The following AATK variants were observed in gnomAD, a reference collection of about 807,000 sequenced individuals.
AATK encodes the protein lemur tail kinase 1.
A neutral mutation model predicts 114.3 loss-of-function variants in AATK; 91 were observed. The observed-to-expected ratio is 0.80, with a 90% confidence interval of 0.67 to 0.95. AATK has a LOEUF of 0.95. AATK is among the 40% of genes least tolerant of loss of function. The pLI, the probability that AATK is intolerant of heterozygous loss-of-function variation, is 0.00. For missense variants in AATK, 2,176 were observed against 1,965.2 expected, an observed-to-expected ratio of 1.11 and a Z score of -2.03; for synonymous variants, 1,075 against 916.5, an observed-to-expected ratio of 1.17 and a Z score of -3.12.
chr17:81,148,699 GGCACACACTT>G (rs1027517675), intron 1 of AATK, among the ~76,000 whole-genome samples: 9 of 152,084 alleles, frequency 5.9e-5, no homozygotes, highest in Admixed American at 5.2e-4. Flanking sequence ...CAGACACACG[GGCACACACTT>G]GCACACACAC....
intron 1 of AATK, among the ~76,000 whole-genome samples, chr17:81,155,346 G>T (rs1488462570): frequency 6.6e-6 from 1 of 152,000 alleles, no homozygotes; most frequent in East Asian, 1.9e-4. Flanking sequence ...TAGTAGCACG[G>T]CTTCATATGT....
chr17:81,137,201 T>C (rs2061023863), intron 1 of AATK, among the ~76,000 whole-genome samples: 2 of 149,868 alleles, frequency 1.3e-5, no homozygotes, highest in East Asian at 3.9e-4. Flanking sequence ...GAGGCTGCAG[T>C]GAGCCGAGAT....
rs902494610 is a variant in AATK, at chr17:81,132,132, C to G, written c.190-927G>C. The G allele has an allele frequency of 7.3e-6, 6 of 818,238 alleles. No individual in the cohort carries two copies. In the African/African-American group the frequency reaches 1.1e-4, roughly 15 times the overall value. 50.7% of individuals were successfully genotyped at this position (818,238 alleles called of 1,614,324 possible). On this transcript the variant is annotated intron_variant, in intron 2 of 13. Coordinates refer to ENST00000326724, the MANE Select transcript of AATK (RefSeq NM_001080395.3). ...GCCAAAGTCTCCAAAGTCCTGGGCC[C>G]AGCTGAAAGCAATTGCTCCAGGCAC... is the stretch of plus-strand genomic sequence containing the variant.
Position 81,126,912 on chromosome 17 carries a change from G to T in AATK, c.622-352C>A. 9.6e-7 allele frequency: 1 copy of T among 1,045,416 alleles called. No individual in the cohort carries two copies. Among genetic ancestry groups the T allele is most frequent in the Non-Finnish European group, 1.2e-6 (1 of 842,436 alleles). 64.8% of individuals were successfully genotyped at this position (1,045,416 alleles called of 1,614,324 possible). ...GTTGGCCGGCAGCCCCTGACCTGCC[G>T]AAAGCCCAGCCCCGGGACGGTCAAC... is the stretch of plus-strand genomic sequence containing the variant. On this transcript the variant is annotated intron_variant, in intron 6 of 13. Coordinates refer to ENST00000326724, the MANE Select transcript of AATK (RefSeq NM_001080395.3). This position sits in a 1 kb window ranked among gnomAD's most constrained non-coding sequence, Gnocchi z 5.1.
At position 81,118,138 on chromosome 17, in the gene AATK, A is replaced by T. The variant is rs2060591017; in HGVS notation, c.*264T>A. On this transcript the variant is annotated 3_prime_UTR_variant, in exon 14 of 14. Coordinates refer to ENST00000326724, the MANE Select transcript of AATK (RefSeq NM_001080395.3). ...AGTGTGTATGTGTGTACAGACACCC[A>T]CTGTGGCTCCAGGCGCCCCCAGGGG... 2 of 530,990 alleles carry T rather than the reference A, an allele frequency of 3.8e-6. No homozygotes were observed. The highest frequency in any genetic ancestry group is 2.3e-5 in the South Asian group (1 of 42,642). 32.9% of individuals were successfully genotyped at this position (530,990 alleles called of 1,614,324 possible).
chr17:81,164,564 G>A (rs773129441), intron 1 of AATK, among the ~76,000 whole-genome samples: 11 of 152,248 alleles, frequency 7.2e-5, no homozygotes, highest in Non-Finnish European at 1.5e-4. Context: ...GGTGCTGCTC[G>A]AAGGCGGGGG....
At chr17:81,149,755 G>C (rs2061271196) in intron 1 of AATK, among the ~76,000 whole-genome samples, 1 of 152,084 alleles carries the variant, frequency 6.6e-6, no homozygotes, top group Non-Finnish European at 1.5e-5. Flanking sequence ...GCTTGTCCAG[G>C]GTTTCTTCGG....
At chr17:81,163,758 G>A (rs554881824) in intron 1 of AATK, among the ~76,000 whole-genome samples, 42 of 152,334 alleles carry the variant, frequency 2.8e-4, no homozygotes, top group African/African-American at 8.2e-4. Flanking sequence ...CTGCACTATC[G>A]GGCGTCTCTG....
Position 81,121,569 on chromosome 17 carries a change from A to G in AATK, c.2367T>C (p.Thr789=), listed in dbSNP as rs1598905408. ...AAGGAAGGGGCAGGCGGGGTCCGGTAGTGCCCTCAGCCTCCGTGGCAAGCT... is the reference window on the plus strand; with the variant it reads ...AAGGAAGGGGCAGGCGGGGTCCGGTGGTGCCCTCAGCCTCCGTGGCAAGCT... ...EPKLATEAEG[T]TGPRLPLPSV... is the part of the protein sequence containing the mutation. The change falls in exon 11 of 14, where the codon ACT becomes ACC. Residue 789 remains threonine (T), a synonymous_variant. Coordinates refer to ENST00000326724, the MANE Select transcript of AATK (RefSeq NM_001080395.3). The G allele has an allele frequency of 2.6e-6, 4 of 1,515,064 alleles. No individual in the cohort carries two copies. Among genetic ancestry groups the G allele is most frequent in the Non-Finnish European group, 3.5e-6 (4 of 1,131,756 alleles). The allele number at this position is 1,515,064 out of a possible 1,614,324, so 93.9% of individuals were successfully genotyped here. A position where few individuals can be genotyped will look rare whatever the true frequency, so the allele number is the denominator to read the frequency against.
rs1157143030 is a variant in AATK, at chr17:81,122,643, C to T, written c.1293G>A (p.Ala431=). The T allele has an allele frequency of 2.7e-6, 4 of 1,458,392 alleles. No individual in the cohort carries two copies. The highest frequency in any genetic ancestry group is 3.0e-5 in the East Asian group (1 of 33,748). The allele number at this position is 1,458,392 out of a possible 1,614,324, so 90.3% of individuals were successfully genotyped here. The part of the protein sequence containing the change: ...GGGVGPGPGA[A]GPMLGGVVEL... ...CCACCACGCCGCCCAGCATGGGCCC[C>T]GCCGCACCGGGCCCGGGCCCCACGC... The change falls in exon 11 of 14, where the codon GCG becomes GCA. Residue 431 remains alanine, a synonymous_variant. Coordinates refer to ENST00000326724, the MANE Select transcript of AATK (RefSeq NM_001080395.3).
chr17:81,130,935 A>G, intron 3 of AATK, 126 bp downstream of exon 3: 1 of 1,220,114 alleles, frequency 8.2e-7, no homozygotes, highest in East Asian at 2.6e-5. Context: ...TCTACCCCAC[A>G]GGCCACTCCC....
At chr17:81,165,900 G>C in intron 1 of AATK, 38 bp downstream of exon 1, 6 of 1,561,394 alleles carry the variant, frequency 3.8e-6, no homozygotes, top group Non-Finnish European at 5.2e-6. Flanking sequence ...GCAGCGGAGG[G>C]AGGCAGCGGC....
chr17:81,119,202 A>G (rs933361763), intron 13 of AATK, among the ~76,000 whole-genome samples, 178 bp downstream of exon 13: 7 of 131,234 alleles, frequency 5.3e-5, no homozygotes, highest in South Asian at 2.6e-4. Flanking sequence ...GGGCCAGGCG[A>G]GGGCCAGGCG....
In AATK at chr17:81,122,605, G is replaced by A; in HGVS notation, c.1331C>T (p.Ala444Val). 1 of 1,425,716 alleles carries A rather than the reference G, an allele frequency of 7.0e-7. No individual in the cohort carries two copies. The highest frequency in any genetic ancestry group is 1.3e-5 in the South Asian group (1 of 74,284). 88.3% of individuals were successfully genotyped at this position (1,425,716 alleles called of 1,614,324 possible). The change falls in exon 11 of 14, where the codon GCC becomes GTC. Residue 444 changes from alanine to valine, a missense_variant. By Grantham distance (64) the Ala-to-Val change is moderately conservative. Around this residue, in one of 4 missense-constraint regions of AATK, gnomAD observed 1,701 missense variants for 1,394.7 expected, o/e 1.22. Transcript: ENST00000326724. The stretch of plus-strand genomic sequence containing the variant: ...CTGCTCCAGCAGCGGGAAGGACGAG[G>A]CAGCGGCGAGCTCCACCACGCCGCC... ...MLGGVVELAA[A>V]SSFPLLEQFA...
intron 2 of AATK, 128 bp downstream of exon 2, chr17:81,134,240 C>T: frequency 7.5e-7 from 1 of 1,325,076 alleles, no homozygotes; most frequent in South Asian, 1.4e-5. Context: ...CAGGTGGCCC[C>T]ACAGCAACTA....
In AATK at chr17:81,127,905, G is replaced by A. The variant is rs151156203; in HGVS notation, c.420C>T (p.Phe140=). The A allele has an allele frequency of 5.5e-4, 853 of 1,548,724 alleles. 9 individuals carry two copies. The African/African-American group carries it at 0.011, about 20-fold the overall frequency. ...EIGRGWFGKV[F]LGEVNSGISS... is the part of the protein sequence containing the mutation. The stretch of plus-strand genomic sequence containing the variant: ...TGATGCCAGAGTTCACCTCCCCCAG[G>A]AACACCTGTGGGACAGACAGCATCA... Residue 140 remains phenylalanine (F), a synonymous_variant, in exon 5 of 14, where the codon TTC becomes TTT. Coordinates refer to ENST00000326724, the MANE Select transcript of AATK (RefSeq NM_001080395.3).
Position 81,120,553 on chromosome 17 carries a change from G to T in AATK, c.3383C>A (p.Ala1128Asp). 1 of 1,502,332 alleles carries T rather than the reference G, an allele frequency of 6.7e-7. No homozygotes were observed. Among genetic ancestry groups the T allele is most frequent in the Non-Finnish European group, 8.9e-7 (1 of 1,125,136 alleles). The allele number at this position is 1,502,332 out of a possible 1,614,324, so 93.1% of individuals were successfully genotyped here. A position where few individuals can be genotyped will look rare whatever the true frequency, so the allele number is the denominator to read the frequency against. ...QGPPGLLSGPAPQKRMGGPGT... is the reference protein window; with the variant it reads ...QGPPGLLSGPDPQKRMGGPGT... ...TGGGCCCCCCATCCGCTTTTGTGGG[G>T]CCGGCCCTGACAACAGTCCTGGGGG... The change falls in exon 11 of 14, where the codon GCC becomes GAC. Residue 1128 changes from alanine (A) to aspartate (D), a missense_variant. Around this residue, in one of 4 missense-constraint regions of AATK, gnomAD observed 1,701 missense variants for 1,394.7 expected, o/e 1.22. Coordinates refer to ENST00000326724, the MANE Select transcript of AATK (RefSeq NM_001080395.3).
intron 1 of AATK, among the ~76,000 whole-genome samples, chr17:81,141,924 CTTCCTTCCTTCCTTCCTTCCTTCCTTCCT>C (rs1268623386): frequency 2.8e-4 from 11 of 39,150 alleles, no homozygotes; most frequent in Non-Finnish European, 6.2e-4. Context: ...CCTCTCCTTC[CTTCCTTCCTTCCTTCCTTCCTTCCTTCCT>C]TTCCTTCCTT....
In AATK at chr17:81,134,547, CCAGGCCCCTG is replaced by C. The variant is rs750427979; in HGVS notation, c.56-56_56-47del. On this transcript the variant is annotated intron_variant, in intron 1 of 13. Coordinates refer to ENST00000326724, the MANE Select transcript of AATK (RefSeq NM_001080395.3). ...GAGAGTGGCCATGGCTGAGGGCCGGCCAGGCCCCTGCCCCTGCTCTGGGCTCCACAGCCCC... is the reference window on the plus strand; with the variant it reads ...GAGAGTGGCCATGGCTGAGGGCCGGCCCCCTGCTCTGGGCTCCACAGCCCC... 93 of 1,585,004 alleles carry C rather than the reference CCAGGCCCCTG, an allele frequency of 5.9e-5. No homozygotes were observed. In the East Asian group the frequency reaches 1.9e-3, roughly 32 times the overall value.
Sources: gnomAD v4.1 joint callset for allele counts (sites outside exome capture counted in the v4.1 genomes callset) on GRCh38, gnomAD v4.1.1 for gene constraint, gnomAD v4.1.1 regional missense constraint, Gnocchi (gnomAD v3.1) non-coding constraint, MANE v1.5 for transcripts, NCBI Gene and HGNC (gene_info 2026-07-23, HGNC 2026-07-21) for gene names.